MAPKAPK3: variants seen among roughly 807,000 people sequenced by gnomAD.
The protein encoded by MAPKAPK3 is MAP kinase-activated protein kinase 3.
A neutral mutation model predicts 49.2 loss-of-function variants in MAPKAPK3; 35 were observed. The observed-to-expected ratio is 0.71, with a 90% confidence interval of 0.54 to 0.94. The LOEUF (loss-of-function observed/expected upper bound fraction) is 0.94. MAPKAPK3 is among the 40% of genes least tolerant of loss of function. MAPKAPK3 has a pLI of 0.00. For missense variants in MAPKAPK3, 398 were observed against 493.1 expected (o/e 0.81, Z 1.83); for synonymous variants, 178 against 188.7 (o/e 0.94, Z 0.46).
chr3:50,647,840 C>G, intron 10 of MAPKAPK3, 54 bp from the exon 11 acceptor site: 1 of 1,543,272 alleles, frequency 6.5e-7, no homozygotes, highest in Non-Finnish European at 8.8e-7. Context: ...GGTGATGGTT[C>G]CTAAGGTCAG....
intron 2 of MAPKAPK3, among the ~76,000 whole-genome samples, chr3:50,620,951 T>C (rs569611139): frequency 1.1e-4 from 17 of 152,322 alleles, no homozygotes; most frequent in Middle Eastern, 3.4e-3. Context: ...CCCTGCAGAT[T>C]TGTCACACAT....
At position 50,644,211 on chromosome 3, in the gene MAPKAPK3, C is replaced by T. The variant is rs79416007; in HGVS notation, c.505-198C>T. ...TTGGCTGAGCACCTGCCTTGCTTCC[C>T]CTTTTGTGAATGAAGGTAGCACCTT... On this transcript the variant is annotated intron_variant, in intron 5 of 10. Coordinates refer to ENST00000621469, the MANE Select transcript of MAPKAPK3 (RefSeq NM_001243925.2). 6.8e-3 allele frequency among the ~76,000 whole-genome samples: 1,041 copies of T among 152,346 alleles called. 8 individuals carry two copies. The highest frequency in any genetic ancestry group is 0.023 in the African/African-American group (974 of 41,582).
chr3:50,616,673 G>A (rs958119771), upstream of MAPKAPK3, among the ~76,000 whole-genome samples: 1 of 152,138 alleles, frequency 6.6e-6, no homozygotes, highest in African/African-American at 2.4e-5. Flanking sequence ...CTAAAGAGTG[G>A]CGAATTCAAC....
chr3:50,631,001 C>T (rs966519712), intron 2 of MAPKAPK3, among the ~76,000 whole-genome samples: 1 of 152,146 alleles, frequency 6.6e-6, no homozygotes, highest in African/African-American at 2.4e-5. Flanking sequence ...GGGGCCTGGA[C>T]GTTTGGGGTC....
upstream of MAPKAPK3, chr3:50,613,802 T>C (rs914577007): frequency 3.3e-5 from 5 of 152,238 alleles, no homozygotes; most frequent in African/African-American, 1.2e-4. Flanking sequence ...GTGAGAAAAC[T>C]GAGGCATGGA....
At position 50,633,540 on chromosome 3, in the gene MAPKAPK3, G is replaced by A. The variant is rs115697774; in HGVS notation, c.220-6826G>A. ...GCTTCCTGAGTCTTGTGCAAGCTGT[G>A]GATTTGGCCAGTGCTGCTCCAACTT... is the stretch of plus-strand genomic sequence containing the variant. On this transcript the variant is annotated intron_variant, in intron 2 of 10. Coordinates refer to ENST00000621469, the MANE Select transcript of MAPKAPK3 (RefSeq NM_001243925.2). Among the ~76,000 whole-genome samples the A allele has an allele frequency of 2.7e-3, 417 of 152,292 alleles. 1 individual carries two copies. Among genetic ancestry groups the A allele is most frequent in the African/African-American group, 9.6e-3 (399 of 41,562 alleles).
upstream of MAPKAPK3, among the ~76,000 whole-genome samples, chr3:50,616,224 G>C (rs75210160): frequency 1.3e-5 from 2 of 152,082 alleles, no homozygotes; most frequent in African/African-American, 2.4e-5. Context: ...TGTGATGTGC[G>C]CAAGTAGTTC....
At chr3:50,638,296 G>C (rs1169782313) in intron 2 of MAPKAPK3, among the ~76,000 whole-genome samples, 1 of 152,118 alleles carries the variant, frequency 6.6e-6, no homozygotes, top group Admixed American at 6.5e-5. Flanking sequence ...GTACCTCTTG[G>C]CTCCTGTGGC....
chr3:50,640,271 G>C, intron 2 of MAPKAPK3, 95 bp from the exon 3 acceptor site: 1 of 1,215,860 alleles, frequency 8.2e-7, no homozygotes, highest in Non-Finnish European at 1.2e-6. Flanking sequence ...TGTGACCTGG[G>C]GCAGGTCACA....
intron 5 of MAPKAPK3, 120 bp downstream of exon 5, chr3:50,642,452 C>T (rs1397988642): frequency 9.7e-6 from 7 of 725,034 alleles, no homozygotes; most frequent in African/African-American, 3.5e-5. Flanking sequence ...CATTCAAAGC[C>T]TCTGCTCTGT....
At chr3:50,611,916 C>T in exon 1 of MAPKAPK3, 1 of 451,890 alleles carries the variant, frequency 2.2e-6, no homozygotes, top group South Asian at 5.6e-5. Flanking sequence ...GCGGGCTGAG[C>T]GGTGGGGCCC....
At chr3:50,631,463 T>G (rs976760595) in intron 2 of MAPKAPK3, among the ~76,000 whole-genome samples, 1 of 152,204 alleles carries the variant, frequency 6.6e-6, no homozygotes, top group African/African-American at 2.4e-5. Context: ...GAGCAGAGGC[T>G]GAGGCTGTGA....
chr3:50,627,308 G>T (rs531797279), intron 2 of MAPKAPK3, among the ~76,000 whole-genome samples: 1 of 151,982 alleles, frequency 6.6e-6, no homozygotes, highest in South Asian at 2.1e-4. Flanking sequence ...CAGGCAGGTC[G>T]TGGGGGCCTG....
In MAPKAPK3 at chr3:50,639,754, T is replaced by A. The variant is rs1057061843; in HGVS notation, c.220-612T>A. 2.0e-5 allele frequency among the ~76,000 whole-genome samples: 3 copies of A among 152,104 alleles called. No homozygotes were observed. In the South Asian group the frequency reaches 6.2e-4, roughly 31 times the overall value. On this transcript the variant is annotated intron_variant, in intron 2 of 10. Coordinates refer to ENST00000621469, the MANE Select transcript of MAPKAPK3 (RefSeq NM_001243925.2). ...TCTCACTCCAGCACTCTCCTGATCA[T>A]GCTGAGTCCTGTAGGGCAGATTTGC...
At chr3:50,622,533 G>A (rs1174466805) in intron 2 of MAPKAPK3, among the ~76,000 whole-genome samples, 2 of 152,190 alleles carry the variant, frequency 1.3e-5, no homozygotes, top group Non-Finnish European at 2.9e-5. Context: ...CCAAGGCCTG[G>A]CATATATCAG....
intron 6 of MAPKAPK3, among the ~76,000 whole-genome samples, chr3:50,644,892 T>C (rs1352118116): frequency 1.3e-5 from 2 of 152,194 alleles, no homozygotes; most frequent in East Asian, 3.8e-4. Flanking sequence ...ATTCAGAAAG[T>C]GGGCATGCAT....
intron 2 of MAPKAPK3, among the ~76,000 whole-genome samples, chr3:50,627,523 C>G (rs535845160): frequency 6.6e-6 from 1 of 152,198 alleles, no homozygotes; most frequent in South Asian, 2.1e-4. Flanking sequence ...AGACCCCTTC[C>G]GCTGTACTTC....
chr3:50,647,813 G>T, intron 10 of MAPKAPK3, 81 bp from the exon 11 acceptor site: 2 of 1,389,928 alleles, frequency 1.4e-6, no homozygotes, highest in Non-Finnish European at 2.0e-6. Context: ...GACATTAAGG[G>T]GCTGCCCAGG....
At chr3:50,646,354 G>A (rs1004591437) in intron 8 of MAPKAPK3, 90 bp downstream of exon 8, 4 of 1,570,732 alleles carry the variant, frequency 2.5e-6, no homozygotes, top group Non-Finnish European at 3.5e-6. Context: ...ACTGACCTGT[G>A]TTCAAATCTT....
Sources: gnomAD v4.1 joint callset for allele counts (sites outside exome capture counted in the v4.1 genomes callset) on GRCh38, gnomAD v4.1.1 for gene constraint, MANE v1.5 for transcripts, NCBI Gene and HGNC (gene_info 2026-07-23, HGNC 2026-07-21) for gene names.